Variants in ANGPT1 observed in about 807,000 individuals in gnomAD.
The protein encoded by ANGPT1 is angiopoietin-1.
In ANGPT1, 17 loss-of-function variants were observed where a neutral mutation model predicts 62.2. That is an observed-to-expected ratio of 0.27 (90% CI 0.19 to 0.41). ANGPT1 has a LOEUF of 0.41. Ranked by LOEUF, ANGPT1 falls within the 10% of genes least tolerant of loss-of-function variation. ANGPT1 has a pLI of 1.00. For missense variants in ANGPT1, 478 were observed against 594.9 expected (o/e 0.80, Z 2.04); for synonymous variants, 199 against 198.9 (o/e 1.00, Z 0.00).
intron 1 of ANGPT1, among the ~76,000 whole-genome samples, chr8:107,452,544 T>G (rs765215176): frequency 2.3e-4 from 35 of 152,054 alleles, no homozygotes; most frequent in Non-Finnish European, 4.3e-4. Context: ...TGGCTAAAAT[T>G]TATTGTTACA....
At chr8:107,485,271 T>C (rs1812786110) in intron 1 of ANGPT1, among the ~76,000 whole-genome samples, 1 of 152,208 alleles carries the variant, frequency 6.6e-6, no homozygotes, top group Non-Finnish European at 1.5e-5. Context: ...GAATATGCGC[T>C]GAGTTGTTTG....
intron 1 of ANGPT1, among the ~76,000 whole-genome samples, chr8:107,390,601 T>C (rs1816816512): frequency 6.6e-6 from 1 of 152,230 alleles, no homozygotes; most frequent in African/African-American, 2.4e-5. Flanking sequence ...AAAGAATTGC[T>C]TAGAAAATGG....
chr8:107,326,057 C>T (rs1357490717), intron 3 of ANGPT1, among the ~76,000 whole-genome samples: 1 of 152,070 alleles, frequency 6.6e-6, no homozygotes, highest in Non-Finnish European at 1.5e-5. Flanking sequence ...TTAGACAGAA[C>T]ATTAATTTTC....
intron 1 of ANGPT1, among the ~76,000 whole-genome samples, chr8:107,406,571 A>C (rs1402195897): frequency 6.6e-6 from 1 of 152,034 alleles, no homozygotes; most frequent in African/African-American, 2.4e-5. Flanking sequence ...TCTCTGAGAA[A>C]GTTTAAAGTA....
chr8:107,372,551 T>A (rs1816437491), intron 1 of ANGPT1, among the ~76,000 whole-genome samples: 1 of 152,068 alleles, frequency 6.6e-6, no homozygotes, highest in African/African-American at 2.4e-5. Context: ...ATCAGATAAC[T>A]AAGATTTGGC....
chr8:107,379,498 A>T (rs1212335005), intron 1 of ANGPT1, among the ~76,000 whole-genome samples: 1 of 152,102 alleles, frequency 6.6e-6, no homozygotes, highest in East Asian at 1.9e-4. Context: ...GAAAAGCCTG[A>T]TGTAGCAGTC....
At chr8:107,315,148 G>C (rs1814984815) in intron 4 of ANGPT1, among the ~76,000 whole-genome samples, 1 of 152,020 alleles carries the variant, frequency 6.6e-6, no homozygotes, top group African/African-American at 2.4e-5. Context: ...TCAGCTTCTG[G>C]GAAAGGCACT....
Position 107,284,772 on chromosome 8 carries a change from A to G in ANGPT1, c.1115T>C (p.Met372Thr), listed in dbSNP as rs1251508622. The G allele has an allele frequency of 1.2e-6, 2 of 1,612,132 alleles. No individual in the cohort carries two copies. The highest frequency in any genetic ancestry group is 4.5e-5 in the East Asian group (2 of 44,776). Reference sequence around the variant, plus strand: ...CCAGTCCATTAACTCAATTCTTAGCATGTACTGCCTCTGACTGGTAATGGC... The same window carrying G: ...CCAGTCCATTAACTCAATTCTTAGCGTGTACTGCCTCTGACTGGTAATGGC... ...IFAITSQRQYMLRIELMDWEG... is the reference protein window; with the variant it reads ...IFAITSQRQYTLRIELMDWEG... The change falls in exon 7 of 9, where the codon ATG becomes ACG. Residue 372 changes from methionine to threonine, a missense_variant. Physicochemically the swap from Met to Thr is moderately conservative, Grantham distance 81. Around this residue, in one of 4 missense-constraint regions of ANGPT1, gnomAD observed 81 missense variants for 117.1 expected, o/e 0.69. Transcript: ENST00000517746.
intron 8 of ANGPT1, among the ~76,000 whole-genome samples, chr8:107,252,977 G>T (rs565756898): frequency 6.6e-6 from 1 of 152,180 alleles, no homozygotes; most frequent in Non-Finnish European, 1.5e-5. Context: ...TAAAGAAAGA[G>T]AAAGCTGTAC....
At chr8:107,472,115 T>A (rs982376203) in intron 1 of ANGPT1, among the ~76,000 whole-genome samples, 1 of 152,076 alleles carries the variant, frequency 6.6e-6, no homozygotes, top group Non-Finnish European at 1.5e-5. Context: ...ATTTTTCTCA[T>A]GATTAGATTA....
At chr8:107,363,305 G>A (rs1816206086) in intron 1 of ANGPT1, among the ~76,000 whole-genome samples, 1 of 152,206 alleles carries the variant, frequency 6.6e-6, no homozygotes, top group Non-Finnish European at 1.5e-5. Flanking sequence ...ATACTTCGAT[G>A]TGGGTAGGTT....
chr8:107,352,651 G>A (rs1427905035), intron 1 of ANGPT1, among the ~76,000 whole-genome samples: 2 of 152,064 alleles, frequency 1.3e-5, no homozygotes, highest in South Asian at 4.1e-4. Context: ...ATATCTTAAA[G>A]CACAAATAAT....
chr8:107,252,153 G>A, intron 8 of ANGPT1, 138 bp from the exon 9 acceptor site: 3 of 843,838 alleles, frequency 3.6e-6, no homozygotes, highest in Non-Finnish European at 5.5e-6. Flanking sequence ...CGAGGCATCA[G>A]TAAATATATT....
intron 3 of ANGPT1, among the ~76,000 whole-genome samples, chr8:107,323,866 G>A (rs71524704): frequency 0.01 from 1,525 of 152,092 alleles, 7 homozygotes; most frequent in Non-Finnish European, 0.016. Flanking sequence ...TGCAAGTTCC[G>A]CCTCCTGGGT....
At chr8:107,451,097 G>A (rs1811766900) in intron 1 of ANGPT1, among the ~76,000 whole-genome samples, 1 of 151,736 alleles carries the variant, frequency 6.6e-6, no homozygotes, top group African/African-American at 2.4e-5. Context: ...ATCACGGCCA[G>A]AGAAAGTGGC....
chr8:107,370,176 G>GAAGA (rs751413923), intron 1 of ANGPT1, among the ~76,000 whole-genome samples: 1 of 86,016 alleles, frequency 1.2e-5, no homozygotes, highest in South Asian at 4.1e-4. Context: ...AAGAGAGAAA[G>GAAGA]AAGAAAGAAA....
intron 3 of ANGPT1, among the ~76,000 whole-genome samples, chr8:107,329,611 A>G (rs1377624962): frequency 6.6e-6 from 1 of 151,890 alleles, no homozygotes; most frequent in East Asian, 1.9e-4. Context: ...AATGTAAACA[A>G]TATGATTTGT....
Position 107,389,584 on chromosome 8 carries a change from A to G in ANGPT1, c.298-42487T>C, listed in dbSNP as rs562324193. ...GGGGCTCTTCACATCTCCAGATTTG[A>G]GAATTGGCTTGATTTTCCTGAACAT... On this transcript the variant is annotated intron_variant, in intron 1 of 8. Coordinates refer to ENST00000517746, the MANE Select transcript of ANGPT1 (RefSeq NM_001146.5). 2.0e-5 allele frequency among the ~76,000 whole-genome samples: 3 copies of G among 152,276 alleles called. No individual in the cohort carries two copies. The East Asian group carries it at 5.8e-4, about 29-fold the overall frequency.
intron 1 of ANGPT1, among the ~76,000 whole-genome samples, chr8:107,417,698 T>C (rs1039024660): frequency 6.6e-6 from 1 of 152,220 alleles, no homozygotes; most frequent in African/African-American, 2.4e-5. Flanking sequence ...GAATGAATTC[T>C]GGCCAGGAAA....
Sources: gnomAD v4.1 joint callset for allele counts (sites outside exome capture counted in the v4.1 genomes callset) on GRCh38, gnomAD v4.1.1 for gene constraint, gnomAD v4.1.1 regional missense constraint, MANE v1.5 for transcripts, NCBI Gene and HGNC (gene_info 2026-07-23, HGNC 2026-07-21) for gene names.